LPP: variants seen among roughly 807,000 people sequenced by gnomAD.
The protein encoded by LPP is LIM domain containing preferred translocation partner in lipoma.
In LPP, 38 loss-of-function variants were observed where a neutral mutation model predicts 60.4. The observed-to-expected ratio is 0.63, with a 90% CI of 0.49 to 0.83. LPP has a LOEUF of 0.83. LPP is among the 40% of genes least tolerant of loss of function. The pLI is 0.00. For synonymous variants in LPP, 328 were observed against 290.8 expected (o/e 1.13, Z -1.30); for missense variants, 902 against 783.6 (o/e 1.15, Z -1.80).
At chr3:188,526,165 T>G (rs930659234) in intron 6 of LPP, among the ~76,000 whole-genome samples, 19 of 152,238 alleles carry the variant, frequency 1.2e-4, no homozygotes, top group South Asian at 2.1e-4. Context: ...TGAGCCTCAC[T>G]CCAGTTCTTG....
chr3:188,310,217 C>CTT (rs556392757), intron 2 of LPP, among the ~76,000 whole-genome samples: 5 of 133,660 alleles, frequency 3.7e-5, no homozygotes, highest in South Asian at 2.4e-4. Flanking sequence ...AGTTGTCTTT[C>CTT]TTTTTTTTTT....
chr3:188,358,763 T>C (rs1768343246), intron 3 of LPP, among the ~76,000 whole-genome samples: 1 of 152,164 alleles, frequency 6.6e-6, no homozygotes, highest in Non-Finnish European at 1.5e-5. Flanking sequence ...ATGCAAGCGT[T>C]CCAAAAGCAT....
At chr3:188,418,459 T>G (rs1193064740) in intron 4 of LPP, among the ~76,000 whole-genome samples, 1 of 152,132 alleles carries the variant, frequency 6.6e-6, no homozygotes, top group Non-Finnish European at 1.5e-5. Flanking sequence ...CCAAGTATAA[T>G]GTATGTAAAG....
intron 3 of LPP, among the ~76,000 whole-genome samples, chr3:188,377,498 C>A (rs571828730): frequency 1.3e-5 from 2 of 152,150 alleles, no homozygotes; most frequent in Non-Finnish European, 2.9e-5. Context: ...TTGATCGCAT[C>A]GGCTACTGAG....
intron 9 of LPP, among the ~76,000 whole-genome samples, chr3:188,839,826 C>T (rs6786534): frequency 0.088 from 13,327 of 151,906 alleles, 696 homozygotes; most frequent in African/African-American, 0.13. Context: ...TGCAGTGAGC[C>T]GAGATCACTC....
intron 3 of LPP, among the ~76,000 whole-genome samples, chr3:188,398,857 C>T (rs1424076512): frequency 6.6e-6 from 1 of 152,124 alleles, no homozygotes; most frequent in Non-Finnish European, 1.5e-5. Context: ...GAGATCAACC[C>T]AAGAATCCTT....
chr3:188,834,324 G>GTTTTTTTTTTTTT (rs71867135), intron 9 of LPP, among the ~76,000 whole-genome samples: 1 of 34,096 alleles, frequency 2.9e-5, no homozygotes, highest in African/African-American at 1.4e-4. Context: ...CTTTTTGGGT[G>GTTTTTTTTTTTTT]TTTTTTTTTT....
At chr3:188,771,138 T>C (rs545488617) in intron 9 of LPP, among the ~76,000 whole-genome samples, 17 of 152,298 alleles carry the variant, frequency 1.1e-4, no homozygotes, top group Non-Finnish European at 2.1e-4. Context: ...TTCTATAATA[T>C]TGTACAATTC....
rs573848933 is a variant in LPP, at chr3:188,451,991, C to T, written c.194-32601C>T. ...AGGCCGAAAAAATAGGTAAGGGGCT[C>T]GCCCTATTGTACACTCATCTCCCTT... On this transcript the variant is annotated intron_variant, in intron 4 of 11. Coordinates refer to ENST00000617246, the MANE Select transcript of LPP (RefSeq NM_001375462.1). 3.9e-5 allele frequency among the ~76,000 whole-genome samples: 6 copies of T among 152,262 alleles called. No individual in the cohort carries two copies. In the East Asian group the frequency reaches 7.7e-4, roughly 20 times the overall value.
intron 6 of LPP, among the ~76,000 whole-genome samples, chr3:188,543,332 T>A (rs1342407959): frequency 6.6e-6 from 1 of 152,126 alleles, no homozygotes; most frequent in East Asian, 1.9e-4. Context: ...TGCAACAAAT[T>A]GCTTAAAAAC....
chr3:188,477,748 C>A (rs1803615913), intron 4 of LPP, among the ~76,000 whole-genome samples: 1 of 152,136 alleles, frequency 6.6e-6, no homozygotes, highest in African/African-American at 2.4e-5. Flanking sequence ...TACTTTCATT[C>A]CTCAGTTGCA....
intron 6 of LPP, among the ~76,000 whole-genome samples, chr3:188,593,404 T>TATTC (rs1234012880): frequency 2.0e-5 from 3 of 152,304 alleles, no homozygotes; most frequent in South Asian, 2.1e-4. Flanking sequence ...TACTTTAATA[T>TATTC]ATTCATTCAT....
At chr3:188,380,076 G>T (rs761930470) in intron 3 of LPP, among the ~76,000 whole-genome samples, 1 of 152,152 alleles carries the variant, frequency 6.6e-6, no homozygotes, top group African/African-American at 2.4e-5. Context: ...TGATGAAGCT[G>T]TAAGGTCCCC....
At chr3:188,313,801 G>A (rs1287134269) in intron 2 of LPP, among the ~76,000 whole-genome samples, 5 of 152,040 alleles carry the variant, frequency 3.3e-5, no homozygotes, top group Non-Finnish European at 7.4e-5. Context: ...CTTCTTTGAT[G>A]TTCCCAGGAG....
chr3:188,788,811 G>A (rs1742730438), intron 9 of LPP, among the ~76,000 whole-genome samples: 4 of 152,182 alleles, frequency 2.6e-5, no homozygotes, highest in Admixed American at 1.3e-4. Flanking sequence ...AAACCTTTTA[G>A]TCATTTCCTG....
chr3:188,198,325 T>G (rs1730108841), intron 1 of LPP, among the ~76,000 whole-genome samples: 1 of 152,228 alleles, frequency 6.6e-6, no homozygotes, highest in Admixed American at 6.5e-5. Context: ...TGATAGAAAC[T>G]TTCCTTGCTA....
chr3:188,477,620 G>A (rs1338905919), intron 4 of LPP, among the ~76,000 whole-genome samples: 1 of 152,164 alleles, frequency 6.6e-6, no homozygotes, highest in Admixed American at 6.5e-5. Context: ...AACAATTGGA[G>A]ATGACACATT....
rs543001930 is a variant in LPP, at chr3:188,843,679, C to T, written c.1411-22521C>T. Among the ~76,000 whole-genome samples the T allele has an allele frequency of 9.7e-5, 14 of 143,932 alleles. No individual in the cohort carries two copies. In the South Asian group the frequency reaches 1.3e-3, roughly 13 times the overall value. The allele number at this position is 143,932 out of a possible 152,430, so 94.4% of individuals were successfully genotyped here. A position where few individuals can be genotyped will look rare whatever the true frequency, so the allele number is the denominator to read the frequency against. On this transcript the variant is annotated intron_variant, in intron 9 of 11. Transcript: ENST00000617246. ...GGGGGCGCCTGTAGTCCCAGCTACT[C>T]GGGAGGCTGAGGCAGGAGAATGGCG... is the stretch of plus-strand genomic sequence containing the variant.
intron 8 of LPP, among the ~76,000 whole-genome samples, chr3:188,744,884 G>T (rs565821416): frequency 6.6e-6 from 1 of 152,128 alleles, no homozygotes; most frequent in Admixed American, 6.6e-5. Flanking sequence ...ACTCCAGTCC[G>T]ATTTTCCTCC....
Sources: gnomAD v4.1 joint callset for allele counts (sites outside exome capture counted in the v4.1 genomes callset) on GRCh38, gnomAD v4.1.1 for gene constraint, MANE v1.5 for transcripts, NCBI Gene and HGNC (gene_info 2026-07-23, HGNC 2026-07-21) for gene names.